The following TBC1D5 variants were observed in gnomAD, a reference collection of about 807,000 sequenced individuals.
TBC1D5 encodes TBC1 domain family member 5, also known as TBC1 domain family, member 5.
Under a neutral mutation model 100.3 loss-of-function variants are expected in TBC1D5, and 75 were observed. The observed-to-expected ratio is 0.75, with a 90% CI of 0.62 to 0.91. The LOEUF (loss-of-function observed/expected upper bound fraction) is 0.91, where lower values mean the gene tolerates loss of function less well. TBC1D5 is among the 40% of genes least tolerant of loss of function. The pLI is 0.00. For missense variants in TBC1D5, 910 were observed against 942.4 expected (o/e 0.97, Z 0.45); for synonymous variants, 323 against 325.6 (o/e 0.99, Z 0.09).
intron 2 of TBC1D5, among the ~76,000 whole-genome samples, chr3:17,538,685 T>C (rs1418808421): frequency 6.6e-6 from 1 of 152,168 alleles, no homozygotes; most frequent in African/African-American, 2.4e-5. Context: ...GATTCACCAC[T>C]GCTAACAGGT....
intron 17 of TBC1D5, among the ~76,000 whole-genome samples, chr3:17,220,758 G>T (rs2074186258): frequency 6.6e-6 from 1 of 152,002 alleles, no homozygotes; most frequent in Non-Finnish European, 1.5e-5. Context: ...CTTGGAGGTG[G>T]TGGAAAATGG....
intron 3 of TBC1D5, among the ~76,000 whole-genome samples, chr3:17,457,371 A>G (rs2095111305): frequency 2.0e-5 from 3 of 151,956 alleles, no homozygotes; most frequent in Admixed American, 2.0e-4. Context: ...TGAATGGTTC[A>G]TTATTATTTC....
At position 17,239,850 on chromosome 3, in the gene TBC1D5, G is replaced by A. The variant is rs573516131; in HGVS notation, c.1332-1431C>T. Among the ~76,000 whole-genome samples the A allele has an allele frequency of 1.5e-4, 23 of 152,286 alleles. No individual in the cohort carries two copies. In the South Asian group the frequency reaches 4.8e-3, roughly 32 times the overall value. ...CCAGTTATGATTACAGATTATTTTA[G>A]TTGTAAAGGGGAGTCCAGCTCCATG... On this transcript the variant is annotated intron_variant, in intron 16 of 21. Coordinates refer to ENST00000253692, the Ensembl canonical transcript of TBC1D5.
At chr3:17,258,734 C>T (rs1199181950) in intron 15 of TBC1D5, 143 bp from the exon 16 acceptor site, 4 of 526,588 alleles carry the variant, frequency 7.6e-6, no homozygotes, top group Non-Finnish European at 1.2e-5. Context: ...TTGGGTTTTG[C>T]TTTTATTAAA....
intron 3 of TBC1D5, among the ~76,000 whole-genome samples, chr3:17,444,264 A>G (rs1002755288): frequency 6.6e-6 from 1 of 152,090 alleles, no homozygotes; most frequent in African/African-American, 2.4e-5. Flanking sequence ...AAAGAAAGAA[A>G]AAGAAAAGTA....
intron 18 of TBC1D5, among the ~76,000 whole-genome samples, chr3:17,210,727 T>C (rs574493448): frequency 1.6e-4 from 25 of 152,314 alleles, no homozygotes; most frequent in African/African-American, 6.0e-4. Flanking sequence ...AACTCAGTTA[T>C]TTTATTAATG....
At chr3:17,196,625 T>C (rs2070724219) in intron 18 of TBC1D5, among the ~76,000 whole-genome samples, 1 of 152,124 alleles carries the variant, frequency 6.6e-6, no homozygotes, top group Non-Finnish European at 1.5e-5. Flanking sequence ...AGCATATGAG[T>C]CAGACATACA....
intron 13 of TBC1D5, among the ~76,000 whole-genome samples, chr3:17,321,813 T>C (rs2085446558): frequency 6.6e-6 from 1 of 152,242 alleles, no homozygotes; most frequent in Non-Finnish European, 1.5e-5. Flanking sequence ...TTCTACTGTG[T>C]TAAAATTTAC....
chr3:17,644,680 G>A (rs1012182437), intron 1 of TBC1D5, among the ~76,000 whole-genome samples: 1 of 152,030 alleles, frequency 6.6e-6, no homozygotes, highest in Non-Finnish European at 1.5e-5. Context: ...TAAGTGATGT[G>A]GAAATATATT....
At chr3:17,538,057 A>C (rs766722853) in intron 2 of TBC1D5, among the ~76,000 whole-genome samples, 5 of 152,154 alleles carry the variant, frequency 3.3e-5, no homozygotes, top group Non-Finnish European at 5.9e-5. Context: ...AAAAACTCAA[A>C]GTGGAGGCTT....
At chr3:17,340,981 G>C (rs960776025) in intron 13 of TBC1D5, among the ~76,000 whole-genome samples, 1 of 152,140 alleles carries the variant, frequency 6.6e-6, no homozygotes, top group Non-Finnish European at 1.5e-5. Context: ...TTCTGAAAAT[G>C]TCACATTAAT....
At chr3:17,649,204 T>C (rs750558230) in intron 1 of TBC1D5, among the ~76,000 whole-genome samples, 1 of 152,166 alleles carries the variant, frequency 6.6e-6, no homozygotes, top group Non-Finnish European at 1.5e-5. Context: ...TGGAGGCTAT[T>C]ATCCTTAGCA....
At chr3:17,498,405 T>C (rs558720850) in intron 3 of TBC1D5, among the ~76,000 whole-genome samples, 1 of 152,272 alleles carries the variant, frequency 6.6e-6, no homozygotes, top group African/African-American at 2.4e-5. Flanking sequence ...CAAAAAATAT[T>C]TGAGCTTAGA....
At chr3:17,430,556 TAAG>T (rs955603285) in intron 3 of TBC1D5, among the ~76,000 whole-genome samples, 10 of 151,596 alleles carry the variant, frequency 6.6e-5, no homozygotes. Flanking sequence ...ACATAGCAAA[TAAG>T]GAGTACAATT....
chr3:17,701,936 A>T (rs2073277922), intron 1 of TBC1D5, among the ~76,000 whole-genome samples: 1 of 152,078 alleles, frequency 6.6e-6, no homozygotes, highest in South Asian at 2.1e-4. Flanking sequence ...AAAGAAAGTT[A>T]TTGGAGACCA....
At chr3:17,628,759 C>T (rs892240849) in intron 1 of TBC1D5, among the ~76,000 whole-genome samples, 6 of 152,266 alleles carry the variant, frequency 3.9e-5, no homozygotes, top group South Asian at 4.1e-4. Flanking sequence ...ACTCACTGTA[C>T]GTGGGTGTCT....
At chr3:17,509,573 T>C (rs1576429062) in intron 2 of TBC1D5, among the ~76,000 whole-genome samples, 2 of 152,032 alleles carry the variant, frequency 1.3e-5, no homozygotes, top group South Asian at 2.1e-4. Flanking sequence ...TGAGATACTG[T>C]TTCTCTGACA....
intron 13 of TBC1D5, among the ~76,000 whole-genome samples, chr3:17,356,251 G>A (rs966850001): frequency 5.9e-5 from 9 of 152,164 alleles, no homozygotes; most frequent in African/African-American, 2.2e-4. Flanking sequence ...GGACTATTGA[G>A]CTTTTGCTGA....
chr3:17,489,811 T>G (rs756427399), intron 3 of TBC1D5, among the ~76,000 whole-genome samples: 2 of 152,232 alleles, frequency 1.3e-5, no homozygotes, highest in Non-Finnish European at 2.9e-5. Context: ...AGTGCTGCAA[T>G]GAACATATGT....
Sources: allele counts gnomAD v4.1 joint callset (sites outside exome capture counted in the v4.1 genomes callset), GRCh38; gene constraint gnomAD v4.1.1; transcripts MANE v1.5; gene names NCBI Gene and HGNC (gene_info 2026-07-23, HGNC 2026-07-21).